Variants in UGT1A7 observed in about 807,000 individuals in gnomAD.
The protein encoded by UGT1A7 is UDP-glucuronosyltransferase 1A7.
In UGT1A7, 33 loss-of-function variants were observed where a neutral mutation model predicts 45.6. The ratio of observed to expected loss-of-function variants is 0.72; its 90% CI spans 0.55 to 0.97. UGT1A7 has a LOEUF of 0.97. UGT1A7 is among the 50% of genes least tolerant of loss of function. The pLI, the probability that UGT1A7 is intolerant of heterozygous loss-of-function variation, is 0.00. For missense variants in UGT1A7, 684 were observed against 666.2 expected (o/e 1.03, Z -0.29); for synonymous variants, 274 against 250.6 (o/e 1.09, Z -0.88).
chr2:233,701,455 G>T (rs573643817), intron 1 of UGT1A7, among the ~76,000 whole-genome samples: 1 of 152,102 alleles, frequency 6.6e-6, no homozygotes, highest in African/African-American at 2.4e-5. Context: ...AGTTAACAAG[G>T]ATACCCAGGA....
intron 4 of UGT1A7, among the ~76,000 whole-genome samples, chr2:233,772,034 G>A (rs1488407782): frequency 1.3e-5 from 2 of 152,152 alleles, no homozygotes; most frequent in African/African-American, 2.4e-5. Context: ...GATGGCTTGA[G>A]CCCAGGAGTT....
chr2:233,692,638 A>T (rs1027065840), intron 1 of UGT1A7, among the ~76,000 whole-genome samples: 1 of 152,230 alleles, frequency 6.6e-6, no homozygotes, highest in East Asian at 1.9e-4. Context: ...GACAACGTCA[A>T]TGATGAGGAA....
At chr2:233,743,699 G>C (rs780880081) in intron 1 of UGT1A7, 1 of 1,367,268 alleles carries the variant, frequency 7.3e-7, no homozygotes, top group Non-Finnish European at 9.8e-7. Flanking sequence ...GCCGCCCTCC[G>C]CCCCCGCCTC....
chr2:233,703,269 T>G (rs780470633), intron 1 of UGT1A7, among the ~76,000 whole-genome samples: 39 of 152,216 alleles, frequency 2.6e-4, no homozygotes, highest in Non-Finnish European at 4.9e-4. Context: ...ATACTTTCTG[T>G]TTCTGTAAGG....
intron 1 of UGT1A7, chr2:233,729,916 G>A (rs2077948862): frequency 6.2e-7 from 1 of 1,614,016 alleles, no homozygotes; most frequent in African/African-American, 1.3e-5. Flanking sequence ...CTTTGTGATG[G>A]ACTACCCCAG....
intron 1 of UGT1A7, chr2:233,718,649 C>A: frequency 6.7e-7 from 1 of 1,503,052 alleles, no homozygotes; most frequent in South Asian, 1.3e-5. Flanking sequence ...GGGCCCATAA[C>A]GAAAGGCAGT....
intron 1 of UGT1A7, chr2:233,693,898 T>C: frequency 6.2e-7 from 1 of 1,613,782 alleles, no homozygotes; most frequent in Non-Finnish European, 8.5e-7. Flanking sequence ...GACTGCCTTG[T>C]TTCTTCCAGG....
intron 1 of UGT1A7, among the ~76,000 whole-genome samples, chr2:233,706,527 A>G (rs1298555218): frequency 1.3e-5 from 2 of 152,242 alleles, no homozygotes; most frequent in African/African-American, 4.8e-5. Context: ...ACAGCGGCTT[A>G]GAAACACAGC....
rs1409125726 is a variant in UGT1A7, at chr2:233,724,318, C to A, written c.855+41526C>A. ...CCCCCCACCTCCCTCCCGGACGGGG[C>A]GGCTGGCCAGGCGGGGGGCTGACCC... is the stretch of plus-strand genomic sequence containing the variant. On this transcript the variant is annotated intron_variant, in intron 1 of 4. Transcript: ENST00000373426. Among the ~76,000 whole-genome samples, 124 of 143,122 alleles carry A rather than the reference C, an allele frequency of 8.7e-4. 1 individual carries two copies. Among genetic ancestry groups the A allele is most frequent in the African/African-American group, 2.9e-3 (111 of 38,264 alleles). 93.9% of individuals were successfully genotyped at this position (143,122 alleles called of 152,430 possible).
chr2:233,702,923 C>T (rs534007977), intron 1 of UGT1A7, among the ~76,000 whole-genome samples: 90 of 152,206 alleles, frequency 5.9e-4, no homozygotes, highest in African/African-American at 1.1e-3. Flanking sequence ...TATTTTCTTG[C>T]GGAGCCTTGG....
chr2:233,729,363 C>G (rs747061628), intron 1 of UGT1A7: 9 of 1,614,038 alleles, frequency 5.6e-6, no homozygotes, highest in Non-Finnish European at 5.9e-6. Flanking sequence ...CCCTGACAAC[C>G]TATGCCATTT....
intron 1 of UGT1A7, among the ~76,000 whole-genome samples, chr2:233,703,330 TTCTC>T (rs558360323): frequency 1.8e-3 from 279 of 152,282 alleles, no homozygotes; most frequent in Middle Eastern, 6.8e-3. Context: ...ATTTTGAGTC[TTCTC>T]TCTTTTTTCT....
Position 233,768,374 on chromosome 2 carries a change from G to T in UGT1A7, c.1230G>T (p.Leu410=). Residue 410 remains leucine, a synonymous_variant, in exon 4 of 5, where the codon CTG becomes CTT. Transcript: ENST00000373426. ...AGACTAAGGGAGCTGGAGTGACCCT[G>T]AATGTTCTGGAAATGACTTCTGAAG... ...RMETKGAGVT[L]NVLEMTSEDL... 3 of 1,614,148 alleles carry T rather than the reference G, an allele frequency of 1.9e-6. No individual in the cohort carries two copies. The highest frequency in any genetic ancestry group is 2.5e-6 in the Non-Finnish European group (3 of 1,180,028).
intron 1 of UGT1A7, among the ~76,000 whole-genome samples, chr2:233,700,008 C>T (rs750443440): frequency 1.3e-5 from 2 of 152,192 alleles, no homozygotes; most frequent in Admixed American, 1.3e-4. Context: ...CAAAATGTCA[C>T]GAGTGCTGAA....
At chr2:233,744,624 T>A (rs1301133091) in intron 1 of UGT1A7, among the ~76,000 whole-genome samples, 12 of 151,914 alleles carry the variant, frequency 7.9e-5, no homozygotes, top group Non-Finnish European at 1.5e-4. Context: ...TATAGAGAGG[T>A]GGATTCTCAT....
chr2:233,757,545 T>TAC (rs1696610377), intron 1 of UGT1A7, among the ~76,000 whole-genome samples: 1 of 65,910 alleles, frequency 1.5e-5, no homozygotes, highest in African/African-American at 6.3e-5. Flanking sequence ...AATATATATA[T>TAC]ATATATATAT....
rs1700524185 is a variant in UGT1A7, at chr2:233,772,466, C to A, written c.1500C>A (p.Ala500=). 6.2e-6 allele frequency: 10 copies of A among 1,614,148 alleles called. No individual in the cohort carries two copies. The highest frequency in any genetic ancestry group is 8.5e-6 in the Non-Finnish European group (10 of 1,180,034). The change falls in exon 5 of 5, where the codon GCC becomes GCA. Residue 500 remains alanine, a synonymous_variant. Coordinates refer to ENST00000373426, the MANE Select transcript of UGT1A7 (RefSeq NM_019077.3). ...GFLLAVVLTV[A]FITFKCCAYG... ...TCTTGGCCGTCGTGCTGACAGTGGCCTTCATCACCTTTAAATGTTGTGCTT... is the reference window on the plus strand; with the variant it reads ...TCTTGGCCGTCGTGCTGACAGTGGCATTCATCACCTTTAAATGTTGTGCTT...
chr2:233,729,639 T>A (rs765411725), intron 1 of UGT1A7: 2 of 1,613,956 alleles, frequency 1.2e-6, no homozygotes, highest in South Asian at 2.2e-5. Flanking sequence ...CTACTGTGTT[T>A]TTTTTGAGGA....
At chr2:233,740,911 C>A (rs1291553695) in intron 1 of UGT1A7, 2 of 130,742 alleles carry the variant, frequency 1.5e-5, no homozygotes, top group Non-Finnish European at 1.6e-5. Context: ...CAACATTGTT[C>A]CCATCTCCAC....
Sources: gnomAD v4.1 joint callset for allele counts (sites outside exome capture counted in the v4.1 genomes callset) on GRCh38, gnomAD v4.1.1 for gene constraint, MANE v1.5 for transcripts, NCBI Gene and HGNC (gene_info 2026-07-23, HGNC 2026-07-21) for gene names.